The following NR2F1-AS1 variants were observed in gnomAD, a reference collection of about 807,000 sequenced individuals.
The protein encoded by NR2F1-AS1 is NR2F1 regulatory antisense RNA 1.
intron 4 of NR2F1-AS1, among the ~76,000 whole-genome samples, chr5:93,531,220 G>GT (rs1327681690): frequency 2.0e-5 from 3 of 152,142 alleles, no homozygotes; most frequent in Non-Finnish European, 4.4e-5. Context: ...CTTCCAGGAA[G>GT]TTTTTTTCTT....
intron 4 of NR2F1-AS1, among the ~76,000 whole-genome samples, chr5:93,466,612 A>T (rs1476951012): frequency 6.6e-6 from 1 of 151,924 alleles, no homozygotes; most frequent in Non-Finnish European, 1.5e-5. Flanking sequence ...TGCTGGGATT[A>T]CAGGTGTGAG....
At chr5:93,463,019 T>C (rs938271636) in intron 4 of NR2F1-AS1, among the ~76,000 whole-genome samples, 6 of 152,180 alleles carry the variant, frequency 3.9e-5, no homozygotes, top group African/African-American at 1.4e-4. Context: ...GAAATTTCCA[T>C]AAATAATGAG....
intron 4 of NR2F1-AS1, among the ~76,000 whole-genome samples, chr5:93,491,384 C>A (rs1230404070): frequency 1.5e-5 from 2 of 130,392 alleles, no homozygotes; most frequent in African/African-American, 5.8e-5. Context: ...GGTGGTGGTG[C>A]TGGTGGTGGT....
intron 4 of NR2F1-AS1, among the ~76,000 whole-genome samples, chr5:93,536,174 AAAC>A (rs1440645700): frequency 1.3e-5 from 2 of 152,200 alleles, no homozygotes; most frequent in African/African-American, 4.8e-5. Context: ...AAAACATAGA[AAAC>A]AATTCCATTT....
chr5:93,581,908 G>GTCTCTCTC (rs368238145), upstream of NR2F1-AS1, among the ~76,000 whole-genome samples: 18 of 39,674 alleles, frequency 4.5e-4, no homozygotes, highest in African/African-American at 2.0e-3. Flanking sequence ...CTCTCTCTGG[G>GTCTCTCTC]TCTCTCTCTC....
At chr5:93,540,829 C>T (rs141315304) in intron 4 of NR2F1-AS1, among the ~76,000 whole-genome samples, 2 of 152,260 alleles carry the variant, frequency 1.3e-5, no homozygotes, top group African/African-American at 4.8e-5. Context: ...AATTGAGAGA[C>T]TCTGGGGGAG....
At chr5:93,450,044 T>C (rs181258881) in intron 4 of NR2F1-AS1, among the ~76,000 whole-genome samples, 4 of 152,308 alleles carry the variant, frequency 2.6e-5, no homozygotes, top group African/African-American at 9.6e-5. Context: ...CCTCAAAGAA[T>C]TGCTTTGTAG....
At chr5:93,548,657 G>C (rs1210893073) in intron 4 of NR2F1-AS1, among the ~76,000 whole-genome samples, 2 of 151,920 alleles carry the variant, frequency 1.3e-5, no homozygotes, top group Non-Finnish European at 2.9e-5. Flanking sequence ...GAGATCAGGA[G>C]TTCGAGACCA....
chr5:93,514,839 C>A (rs57510455), intron 4 of NR2F1-AS1, among the ~76,000 whole-genome samples: 2,195 of 151,972 alleles, frequency 0.014, 61 homozygotes, highest in African/African-American at 0.05. Flanking sequence ...CCAAAATATC[C>A]TTTTTAAAAA....
At chr5:93,448,645 G>A (rs752529962) in intron 4 of NR2F1-AS1, among the ~76,000 whole-genome samples, 2 of 152,190 alleles carry the variant, frequency 1.3e-5, no homozygotes, top group African/African-American at 2.4e-5. Context: ...GCTGCCAGCT[G>A]AAAGCTGGCA....
intron 4 of NR2F1-AS1, among the ~76,000 whole-genome samples, chr5:93,502,496 G>C (rs774385745): frequency 6.6e-6 from 1 of 152,188 alleles, no homozygotes; most frequent in South Asian, 2.1e-4. Flanking sequence ...CAGTAGCTAA[G>C]GTTTTAAGGT....
chr5:93,439,835 T>C (rs1386063143), intron 4 of NR2F1-AS1, among the ~76,000 whole-genome samples: 1 of 152,200 alleles, frequency 6.6e-6, no homozygotes, highest in African/African-American at 2.4e-5. Flanking sequence ...ATGTCTTTCC[T>C]ATGAATTCTC....
intron 4 of NR2F1-AS1, among the ~76,000 whole-genome samples, chr5:93,494,711 T>G (rs972339716): frequency 6.6e-6 from 1 of 152,184 alleles, no homozygotes; most frequent in Non-Finnish European, 1.5e-5. Flanking sequence ...GAAAACAGTT[T>G]GGCTGTTCCT....
intron 4 of NR2F1-AS1, among the ~76,000 whole-genome samples, chr5:93,423,652 C>T (rs554231424): frequency 1.4e-4 from 22 of 152,298 alleles, no homozygotes; most frequent in Non-Finnish European, 2.4e-4. Context: ...AATTACAAAT[C>T]TTGTCTAACT....
intron 4 of NR2F1-AS1, among the ~76,000 whole-genome samples, chr5:93,492,988 A>G (rs1750884636): frequency 6.6e-6 from 1 of 152,162 alleles, no homozygotes; most frequent in Admixed American, 6.5e-5. Flanking sequence ...AGAAAACATG[A>G]TGCCTGCTTT....
chr5:93,554,116 G>C (rs1476273429), intron 3 of NR2F1-AS1, among the ~76,000 whole-genome samples: 1 of 152,114 alleles, frequency 6.6e-6, no homozygotes, highest in Non-Finnish European at 1.5e-5. Flanking sequence ...GCCTCAGAAT[G>C]TTCTCAGCTA....
intron 4 of NR2F1-AS1, among the ~76,000 whole-genome samples, chr5:93,436,677 A>T (rs780680013): frequency 6.6e-6 from 1 of 152,212 alleles, no homozygotes; most frequent in Non-Finnish European, 1.5e-5. Context: ...TATAAAGCCA[A>T]TACATTTGTC....
At chr5:93,501,504 C>A (rs567603629) in intron 4 of NR2F1-AS1, among the ~76,000 whole-genome samples, 21 of 151,990 alleles carry the variant, frequency 1.4e-4, no homozygotes, top group Middle Eastern at 6.8e-3. Context: ...CAGGTGTCCA[C>A]CACCATACCC....
intron 4 of NR2F1-AS1, among the ~76,000 whole-genome samples, chr5:93,447,048 T>A (rs917424111): frequency 1.4e-4 from 22 of 152,102 alleles, no homozygotes; most frequent in African/African-American, 5.3e-4. Context: ...ATACAAAAAT[T>A]AATTCAAGAT....
Sources: allele counts gnomAD v4.1 joint callset (sites outside exome capture counted in the v4.1 genomes callset), GRCh38; gene constraint gnomAD v4.1.1; transcripts MANE v1.5; gene names NCBI Gene and HGNC (gene_info 2026-07-23, HGNC 2026-07-21).